CLEC12A: variants seen among roughly 807,000 people sequenced by gnomAD.
CLEC12A encodes C-type lectin domain family 12 member A.
Under a neutral mutation model 26.5 loss-of-function variants are expected in CLEC12A, and 22 were observed. The ratio of observed to expected loss-of-function variants is 0.83; its 90% CI spans 0.59 to 1.19. The LOEUF is 1.19. Among genes scored for constraint, CLEC12A ranks in the 50% most tolerant of loss-of-function variants. CLEC12A has a pLI of 0.00. For missense variants in CLEC12A, 353 were observed against 315.6 expected, an observed-to-expected ratio of 1.12 and a Z score of -0.90; for synonymous variants, 119 against 101.9, an observed-to-expected ratio of 1.17 and a Z score of -1.01.
chr12:9,965,156 G>A (rs1230919859), intron 1 of CLEC12A, among the ~76,000 whole-genome samples: 1 of 152,194 alleles, frequency 6.6e-6, no homozygotes, highest in East Asian at 1.9e-4. Flanking sequence ...GGCAGCCACT[G>A]CATGCAGACA....
the CLEC12A span, among the ~76,000 whole-genome samples, chr12:10,002,285 T>C: frequency 6.6e-6 from 1 of 152,192 alleles, no homozygotes; most frequent in East Asian, 1.9e-4. Context: ...ATTGTCTGTT[T>C]TAAAGGAAAT....
chr12:9,960,333 T>A (rs536641399), intron 1 of CLEC12A, among the ~76,000 whole-genome samples: 1 of 152,344 alleles, frequency 6.6e-6, no homozygotes, highest in Admixed American at 6.5e-5. Flanking sequence ...ATATAAGATA[T>A]AATGAATCAG....
the CLEC12A span, among the ~76,000 whole-genome samples, chr12:10,001,545 T>C: frequency 6.6e-6 from 1 of 152,220 alleles, no homozygotes; most frequent in Non-Finnish European, 1.5e-5. Context: ...TTTGTGGTGT[T>C]AGAAGCAAGC....
intron 1 of CLEC12A, among the ~76,000 whole-genome samples, chr12:9,963,894 C>T (rs2961540): frequency 0.85 from 128,924 of 152,074 alleles, 54,997 homozygotes; most frequent in Middle Eastern, 0.91. Flanking sequence ...GGGGGAGGTT[C>T]GATTTTCATG....
chr12:9,968,650 A>G (rs1369658269), upstream of CLEC12A, among the ~76,000 whole-genome samples: 1 of 152,216 alleles, frequency 6.6e-6, no homozygotes, highest in Non-Finnish European at 1.5e-5. Context: ...AGGCATATAC[A>G]CAGGCATATG....
Position 9,985,147 on chromosome 12 carries a change from C to T in CLEC12A, c.*121C>T, listed in dbSNP as rs1864726360. Reference sequence around the variant, plus strand: ...TCTGAAGACCTGGGATTTTATCATGCAGATGAAACATCCAGGTAGCAAGCT... The same window carrying T: ...TCTGAAGACCTGGGATTTTATCATGTAGATGAAACATCCAGGTAGCAAGCT... On this transcript the variant is annotated 3_prime_UTR_variant, in exon 6 of 6. Coordinates refer to ENST00000304361, the MANE Select transcript of CLEC12A (RefSeq NM_138337.6). The T allele has an allele frequency of 9.2e-7, 1 of 1,092,432 alleles. No homozygotes were observed. 67.7% of individuals were successfully genotyped at this position (1,092,432 alleles called of 1,614,324 possible).
At chr12:9,974,350 A>G (rs1002616426) in intron 1 of CLEC12A, among the ~76,000 whole-genome samples, 9 of 152,070 alleles carry the variant, frequency 5.9e-5, no homozygotes, top group African/African-American at 2.2e-4. Context: ...GTTTTATTGC[A>G]TCACTCAGTA....
chr12:9,986,792 C>T (rs1864777898), downstream of CLEC12A, among the ~76,000 whole-genome samples: 5 of 152,198 alleles, frequency 3.3e-5, 1 homozygote, highest in South Asian at 1.0e-3. Flanking sequence ...GCCTGGGTGA[C>T]AGAGCAAGAT....
chr12:9,989,694 C>T (rs1864850956), downstream of CLEC12A, among the ~76,000 whole-genome samples: 1 of 152,148 alleles, frequency 6.6e-6, no homozygotes, highest in African/African-American at 2.4e-5. Context: ...GCAAGTTATC[C>T]AGAAGATATA....
At chr12:9,972,792 T>G (rs180861825) in intron 1 of CLEC12A, among the ~76,000 whole-genome samples, 6 of 152,336 alleles carry the variant, frequency 3.9e-5, no homozygotes, top group South Asian at 2.1e-4. Flanking sequence ...ACTGAAATTT[T>G]TTTTTAGAAA....
chr12:9,964,346 G>T (rs149538888), intron 1 of CLEC12A, among the ~76,000 whole-genome samples: 65 of 152,274 alleles, frequency 4.3e-4, no homozygotes, highest in African/African-American at 1.2e-3. Flanking sequence ...GGCATTGGAA[G>T]AAAGGGAAAT....
At chr12:10,001,303 G>A in the CLEC12A span, among the ~76,000 whole-genome samples, 1 of 152,126 alleles carries the variant, frequency 6.6e-6, no homozygotes, top group African/African-American at 2.4e-5. Context: ...ATCCTTTAAT[G>A]CTTAGAACTG....
At chr12:9,963,211 G>C (rs1863868961) in intron 1 of CLEC12A, among the ~76,000 whole-genome samples, 2 of 152,064 alleles carry the variant, frequency 1.3e-5, no homozygotes, top group African/African-American at 2.4e-5. Context: ...TGTCCAAGGG[G>C]GTTCAGCATA....
At chr12:9,960,925 C>T (rs563021282) in intron 1 of CLEC12A, among the ~76,000 whole-genome samples, 125 of 152,172 alleles carry the variant, frequency 8.2e-4, no homozygotes, top group Non-Finnish European at 1.6e-3. Flanking sequence ...TAGCATCAAA[C>T]TCTGTAAAAT....
At chr12:10,004,149 C>T in the CLEC12A span, among the ~76,000 whole-genome samples, 1,091 of 152,180 alleles carry the variant, frequency 7.2e-3, 12 homozygotes, top group African/African-American at 0.024. Flanking sequence ...GGCTGTGGCC[C>T]CACTGTAGTG....
downstream of CLEC12A, among the ~76,000 whole-genome samples, chr12:9,999,671 T>C (rs901007015): frequency 6.6e-6 from 1 of 152,220 alleles, no homozygotes; most frequent in African/African-American, 2.4e-5. Flanking sequence ...GCATATTTCA[T>C]ACTTTTTTTT....
At chr12:9,984,116 T>A (rs2137206539) in intron 5 of CLEC12A, 1 of 203,230 alleles carries the variant, frequency 4.9e-6, no homozygotes, top group African/African-American at 2.4e-5. Context: ...TATATGTGTG[T>A]GTGTGTGTAT....
At chr12:9,994,005 A>G (rs1454102289) in intron 4 of CLEC12A, among the ~76,000 whole-genome samples, 2 of 152,158 alleles carry the variant, frequency 1.3e-5, no homozygotes, top group Admixed American at 1.3e-4. Flanking sequence ...GAAGCCCACA[A>G]AAAATAGACA....
At chr12:9,986,764 T>C (rs1864777207), downstream of CLEC12A, among the ~76,000 whole-genome samples, 2 of 152,018 alleles carry the variant, frequency 1.3e-5, no homozygotes, top group South Asian at 4.1e-4. Context: ...TGAGGTGAGA[T>C]TGCACCACTG....
Sources: gnomAD v4.1 joint callset for allele counts (sites outside exome capture counted in the v4.1 genomes callset) on GRCh38, gnomAD v4.1.1 for gene constraint, MANE v1.5 for transcripts, NCBI Gene and HGNC (gene_info 2026-07-23, HGNC 2026-07-21) for gene names.